The following LRP1B variants were observed in gnomAD, a reference collection of about 807,000 sequenced individuals.
LRP1B encodes LDL receptor related protein 1B.
LRP1B carries 217 observed loss-of-function variants against 556.6 expected under a neutral mutation model. That is an observed-to-expected ratio of 0.39 (90% CI 0.35 to 0.44). The LOEUF (loss-of-function observed/expected upper bound fraction) is 0.44, where lower values mean the gene tolerates loss of function less well. Among genes scored for constraint, LRP1B ranks in the 20% least tolerant of loss-of-function variants. LRP1B has a pLI of 1.00. For missense variants in LRP1B, 5,053 were observed against 5,620.8 expected, an observed-to-expected ratio of 0.90 and a Z score of 3.23; for synonymous variants, 2,047 against 1,865.8, an observed-to-expected ratio of 1.10 and a Z score of -2.50.
chr2:141,432,255 T>G (rs1044968050), intron 3 of LRP1B, among the ~76,000 whole-genome samples: 1 of 152,134 alleles, frequency 6.6e-6, no homozygotes, highest in Non-Finnish European at 1.5e-5. Flanking sequence ...ACACTAATTT[T>G]CAAATCTTAA....
At chr2:141,581,140 G>GCACT (rs1574102516) in intron 2 of LRP1B, among the ~76,000 whole-genome samples, 1 of 152,136 alleles carries the variant, frequency 6.6e-6, no homozygotes, top group African/African-American at 2.4e-5. Context: ...CCAGGTTGAA[G>GCACT]CACTCTCTAT....
intron 1 of LRP1B, among the ~76,000 whole-genome samples, chr2:141,998,589 A>G (rs1702563474): frequency 6.6e-6 from 1 of 152,222 alleles, no homozygotes; most frequent in Non-Finnish European, 1.5e-5. Flanking sequence ...AAGGTAATGG[A>G]CGTGTCTATG....
chr2:140,529,710 C>T (rs1425011286), intron 47 of LRP1B, among the ~76,000 whole-genome samples: 1 of 152,006 alleles, frequency 6.6e-6, no homozygotes, highest in East Asian at 1.9e-4. Context: ...CCTAAAAGTA[C>T]TTCCATAGCC....
At chr2:140,573,695 G>T (rs183086277) in intron 43 of LRP1B, among the ~76,000 whole-genome samples, 161 of 152,016 alleles carry the variant, frequency 1.1e-3, no homozygotes, top group African/African-American at 3.5e-3. Context: ...AAAATTGACA[G>T]AATCTACATG....
At position 142,013,339 on chromosome 2, in the gene LRP1B, G is replaced by C. The variant is rs182898637; in HGVS notation, c.82+117309C>G. ...AACTAAAGCAATGAGGAGCAGAGTA[G>C]TATCGGAAGGTGATTATGGAGGATG... On this transcript the variant is annotated intron_variant, in intron 1 of 90. Transcript: ENST00000389484. Among the ~76,000 whole-genome samples the C allele has an allele frequency of 2.8e-3, 424 of 152,278 alleles. 2 individuals are homozygous for C. Among genetic ancestry groups the C allele is most frequent in the Non-Finnish European group, 4.8e-3 (326 of 68,010 alleles).
intron 1 of LRP1B, among the ~76,000 whole-genome samples, chr2:142,029,901 T>C (rs955862947): frequency 6.6e-6 from 1 of 151,738 alleles, no homozygotes; most frequent in African/African-American, 2.4e-5. Flanking sequence ...ATTAAAGAGG[T>C]TTAATGCATT....
chr2:140,542,206 C>T (rs9678482), intron 43 of LRP1B, among the ~76,000 whole-genome samples: 70,168 of 151,806 alleles, frequency 0.46, 16,940 homozygotes, highest in South Asian at 0.59. Context: ...TTCAAGTATA[C>T]TTTTATTTAA....
intron 86 of LRP1B, among the ~76,000 whole-genome samples, chr2:140,262,933 A>G (rs978765713): frequency 6.6e-6 from 1 of 152,104 alleles, no homozygotes; most frequent in Admixed American, 6.6e-5. Flanking sequence ...ATGTTTGTTT[A>G]TTTGTTTGTT....
At chr2:141,468,767 T>C (rs1429391639) in intron 3 of LRP1B, among the ~76,000 whole-genome samples, 1 of 152,206 alleles carries the variant, frequency 6.6e-6, no homozygotes, top group African/African-American at 2.4e-5. Flanking sequence ...TCTGGTTTTG[T>C]ACCTGTACTG....
chr2:140,391,307 T>A (rs1414767405), intron 66 of LRP1B, among the ~76,000 whole-genome samples: 5 of 152,132 alleles, frequency 3.3e-5, no homozygotes, highest in Admixed American at 1.3e-4. Flanking sequence ...ACCATATCTA[T>A]GTATATAAAA....
chr2:141,272,174 T>C (rs1346664372), intron 3 of LRP1B, among the ~76,000 whole-genome samples: 1 of 152,070 alleles, frequency 6.6e-6, no homozygotes, highest in Non-Finnish European at 1.5e-5. Context: ...ATAACAATAA[T>C]AGCAATCATA....
At chr2:141,404,883 A>C (rs958164335) in intron 3 of LRP1B, among the ~76,000 whole-genome samples, 8 of 151,932 alleles carry the variant, frequency 5.3e-5, no homozygotes, top group African/African-American at 1.7e-4. Context: ...AAAATAGAGA[A>C]TATGTTTTTT....
intron 2 of LRP1B, among the ~76,000 whole-genome samples, chr2:141,503,193 G>A (rs1683791543): frequency 6.8e-6 from 1 of 147,496 alleles, no homozygotes; most frequent in Admixed American, 6.8e-5. Context: ...AAGTAAACAT[G>A]AATTTACTTT....
chr2:141,515,855 T>C lies in LRP1B; in HGVS notation c.206-35322A>G, dbSNP rs530115372. ...ATATGAACGCCCAAGTGAACTGTAC[T>C]TAAGAATGTTCTCATGCATAGAACG... On this transcript the variant is annotated intron_variant, in intron 2 of 90. Coordinates refer to ENST00000389484, the MANE Select transcript of LRP1B (RefSeq NM_018557.3). 7.9e-5 allele frequency among the ~76,000 whole-genome samples: 12 copies of C among 152,294 alleles called. No individual in the cohort carries two copies. The South Asian group carries it at 2.5e-3, about 32-fold the overall frequency.
intron 77 of LRP1B, 53 bp from the exon 78 acceptor site, chr2:140,335,891 A>C: frequency 8.9e-7 from 1 of 1,117,896 alleles, no homozygotes; most frequent in South Asian, 1.2e-5. Context: ...AAATTAGCGG[A>C]GTTTTCTGTA....
chr2:140,502,324 C>T (rs1689235591), intron 54 of LRP1B, among the ~76,000 whole-genome samples: 1 of 151,776 alleles, frequency 6.6e-6, no homozygotes, highest in African/African-American at 2.4e-5. Context: ...ATTTTGAAGT[C>T]AGGGTATAAA....
At chr2:141,733,404 T>A (rs930007849) in intron 2 of LRP1B, among the ~76,000 whole-genome samples, 1 of 152,100 alleles carries the variant, frequency 6.6e-6, no homozygotes, top group African/African-American at 2.4e-5. Flanking sequence ...CTGGATAAAC[T>A]TCGCTCGGGT....
At chr2:141,661,797 C>T (rs539217826) in intron 2 of LRP1B, among the ~76,000 whole-genome samples, 1 of 152,156 alleles carries the variant, frequency 6.6e-6, no homozygotes, top group Non-Finnish European at 1.5e-5. Context: ...TCTAGCAAGA[C>T]AGGCCAACAT....
intron 2 of LRP1B, among the ~76,000 whole-genome samples, chr2:141,704,213 T>C (rs577183474): frequency 6.6e-6 from 1 of 152,116 alleles, no homozygotes; most frequent in Non-Finnish European, 1.5e-5. Flanking sequence ...GTACATTCAG[T>C]GTCACGATGC....
Sources: allele counts gnomAD v4.1 joint callset (sites outside exome capture counted in the v4.1 genomes callset), GRCh38; gene constraint gnomAD v4.1.1; transcripts MANE v1.5; gene names NCBI Gene and HGNC (gene_info 2026-07-23, HGNC 2026-07-21).